The following STAG1 variants were observed in gnomAD, a reference collection of about 807,000 sequenced individuals.
STAG1 encodes the protein cohesin subunit SA-1.
In STAG1, 26 loss-of-function variants were observed where a neutral mutation model predicts 170.9. The ratio of observed to expected loss-of-function variants is 0.15; its 90% CI spans 0.11 to 0.21. The LOEUF is 0.21. Ranked by LOEUF, STAG1 falls within the 10% of genes least tolerant of loss-of-function variation. STAG1 has a pLI of 1.00. For synonymous variants in STAG1, 514 were observed against 497.7 expected (o/e 1.03, Z -0.44); for missense variants, 964 against 1,509.5 (o/e 0.64, Z 5.99).
chr3:136,387,282 C>T (rs1201718162), intron 22 of STAG1, among the ~76,000 whole-genome samples: 2 of 152,114 alleles, frequency 1.3e-5, no homozygotes, highest in Non-Finnish European at 2.9e-5. Context: ...GGTTGTGTTC[C>T]AATAAAACAT....
At chr3:136,562,716 T>A (rs1387572305) in intron 5 of STAG1, among the ~76,000 whole-genome samples, 1 of 151,926 alleles carries the variant, frequency 6.6e-6, no homozygotes, top group Non-Finnish European at 1.5e-5. Flanking sequence ...GCCTCCCAAG[T>A]AGCTGGGATT....
chr3:136,419,850 A>C (rs1176114112), intron 20 of STAG1, among the ~76,000 whole-genome samples: 1 of 152,136 alleles, frequency 6.6e-6, no homozygotes, highest in East Asian at 1.9e-4. Context: ...TGATAAAATA[A>C]GCCTAATTTG....
At chr3:136,350,000 C>A (rs139527344) in intron 28 of STAG1, among the ~76,000 whole-genome samples, 2 of 151,894 alleles carry the variant, frequency 1.3e-5, no homozygotes, top group Non-Finnish European at 2.9e-5. Flanking sequence ...ATTAGCCAGG[C>A]GTGGTGGCAT....
chr3:136,517,587 G>A (rs1012711171), intron 7 of STAG1, among the ~76,000 whole-genome samples: 2 of 151,790 alleles, frequency 1.3e-5, no homozygotes, highest in African/African-American at 4.8e-5. Flanking sequence ...CAAGAAAGTG[G>A]TAAAACAAAG....
At chr3:136,612,434 C>CT (rs1422262748) in intron 3 of STAG1, among the ~76,000 whole-genome samples, 1 of 151,620 alleles carries the variant, frequency 6.6e-6, no homozygotes, top group Non-Finnish European at 1.5e-5. Flanking sequence ...AGCAAGACTC[C>CT]TTCTCTACAA....
chr3:136,676,875 A>G (rs920634438), intron 1 of STAG1, among the ~76,000 whole-genome samples: 1 of 151,700 alleles, frequency 6.6e-6, no homozygotes, highest in Non-Finnish European at 1.5e-5. Flanking sequence ...TTTCTTTTTT[A>G]AACTGTGCCT....
intron 12 of STAG1, among the ~76,000 whole-genome samples, chr3:136,468,880 A>G (rs1208352863): frequency 6.6e-6 from 1 of 152,222 alleles, no homozygotes; most frequent in Non-Finnish European, 1.5e-5. Flanking sequence ...AACCAAAGAC[A>G]AAAACGACAT....
chr3:136,491,924 G>A lies in STAG1; in HGVS notation c.902+8299C>T, dbSNP rs145324696. Among the ~76,000 whole-genome samples the A allele has an allele frequency of 2.2e-3, 331 of 152,186 alleles. 7 individuals carry two copies. The East Asian group carries it at 0.028, about 13-fold the overall frequency. On this transcript the variant is annotated intron_variant, in intron 9 of 33. Transcript: ENST00000383202. The stretch of plus-strand genomic sequence containing the variant: ...GGAGAATCACCTGAACCCAGGAGGC[G>A]GGGGCTGGAATCAGCCCAAGATCAC...
chr3:136,506,645 C>CAAAAA (rs1248797469), intron 7 of STAG1, among the ~76,000 whole-genome samples: 6 of 46,350 alleles, frequency 1.3e-4, no homozygotes, highest in East Asian at 6.4e-4. Flanking sequence ...GACTCCACCT[C>CAAAAA]AAAAAAAAAA....
At chr3:136,344,938 TACAGTCATTCATA>T (rs1223152665) in intron 29 of STAG1, among the ~76,000 whole-genome samples, 1 of 152,064 alleles carries the variant, frequency 6.6e-6, no homozygotes, top group Non-Finnish European at 1.5e-5. Context: ...CTAGAGGAAA[TACAGTCATTCATA>T]CTCACTTAGG....
chr3:136,512,108 A>AG (rs1340222114), intron 7 of STAG1, among the ~76,000 whole-genome samples: 1 of 150,498 alleles, frequency 6.6e-6, no homozygotes, highest in Non-Finnish European at 1.5e-5. Context: ...AAAAAAAAAA[A>AG]AAAAAAAAAA....
intron 4 of STAG1, among the ~76,000 whole-genome samples, chr3:136,587,372 T>A (rs149044494): frequency 1.0e-3 from 157 of 151,966 alleles, no homozygotes; most frequent in Middle Eastern, 6.8e-3. Context: ...AAACCCTGTC[T>A]CAACTAGAAA....
At chr3:136,434,180 T>C (rs577746103) in intron 15 of STAG1, among the ~76,000 whole-genome samples, 4 of 152,136 alleles carry the variant, frequency 2.6e-5, no homozygotes, top group African/African-American at 9.7e-5. Context: ...TTAATAGATA[T>C]ATATTTATGT....
At chr3:136,734,865 C>T (rs1368717096) in intron 1 of STAG1, among the ~76,000 whole-genome samples, 1 of 152,128 alleles carries the variant, frequency 6.6e-6, no homozygotes, top group Non-Finnish European at 1.5e-5. Context: ...CCATTCGTGA[C>T]AACATGGAAA....
intron 1 of STAG1, among the ~76,000 whole-genome samples, chr3:136,723,673 G>A (rs1210163212): frequency 5.7e-5 from 8 of 140,252 alleles, no homozygotes; most frequent in East Asian, 2.3e-4. Flanking sequence ...TCAGCCCCCC[G>A]CCCGGCCAGC....
intron 10 of STAG1, among the ~76,000 whole-genome samples, chr3:136,474,259 A>G (rs1024332882): frequency 2.6e-4 from 40 of 152,204 alleles, no homozygotes; most frequent in African/African-American, 8.9e-4. Flanking sequence ...AAGTCTCTCA[A>G]AAGATTTAAA....
At chr3:136,357,270 T>G (rs992010028) in intron 28 of STAG1, among the ~76,000 whole-genome samples, 1 of 152,176 alleles carries the variant, frequency 6.6e-6, no homozygotes, top group Non-Finnish European at 1.5e-5. Context: ...GGTTTGGTTT[T>G]AAATAAAACT....
intron 6 of STAG1, among the ~76,000 whole-genome samples, chr3:136,537,504 T>G (rs1332012500): frequency 7.0e-6 from 1 of 142,218 alleles, no homozygotes; most frequent in Non-Finnish European, 1.6e-5. Context: ...ATTTTTTTTT[T>G]GTTTTTTTTT....
At chr3:136,420,336 T>TTCTC (rs1318817942) in intron 20 of STAG1, among the ~76,000 whole-genome samples, 1 of 151,754 alleles carries the variant, frequency 6.6e-6, no homozygotes, top group African/African-American at 2.4e-5. Flanking sequence ...TATCTCAATA[T>TTCTC]TCTCTAAAAT....
Sources: allele counts gnomAD v4.1 joint callset (sites outside exome capture counted in the v4.1 genomes callset), GRCh38; gene constraint gnomAD v4.1.1; transcripts MANE v1.5; gene names NCBI Gene and HGNC (gene_info 2026-07-23, HGNC 2026-07-21).